GABRB1: variants seen among roughly 807,000 people sequenced by gnomAD.
The protein encoded by GABRB1 is gamma-aminobutyric acid type A receptor subunit beta1.
Under a neutral mutation model 51.6 loss-of-function variants are expected in GABRB1, and 17 were observed. The observed-to-expected ratio is 0.33, with a 90% CI of 0.23 to 0.49. GABRB1 has a LOEUF of 0.49. Among genes scored for constraint, GABRB1 ranks in the 20% least tolerant of loss-of-function variants. The probability of loss-of-function intolerance (pLI) is 0.99; values close to 1 mark genes in which losing one functional copy is unlikely to be tolerated. For synonymous variants in GABRB1, 247 were observed against 218.9 expected (o/e 1.13, Z -1.14); for missense variants, 410 against 600.6 (o/e 0.68, Z 3.32).
chr4:47,097,170 G>A (rs183853560), intron 3 of GABRB1, among the ~76,000 whole-genome samples: 30 of 152,204 alleles, frequency 2.0e-4, no homozygotes, highest in African/African-American at 1.7e-4. Context: ...GAGTAAAACC[G>A]AAAATCTTCC....
intron 4 of GABRB1, among the ~76,000 whole-genome samples, chr4:47,192,322 A>G (rs1436316862): frequency 2.6e-5 from 4 of 152,156 alleles, no homozygotes; most frequent in African/African-American, 9.7e-5. Context: ...GTTTTCCCTC[A>G]TTGAAATCCA....
At chr4:47,045,594 G>C (rs1726045980) in intron 3 of GABRB1, among the ~76,000 whole-genome samples, 1 of 151,976 alleles carries the variant, frequency 6.6e-6, no homozygotes, top group South Asian at 2.1e-4. Flanking sequence ...TCAAGGCACT[G>C]ACAGATTCTG....
chr4:47,223,874 A>T (rs1330323818), intron 4 of GABRB1, among the ~76,000 whole-genome samples: 1 of 152,152 alleles, frequency 6.6e-6, no homozygotes, highest in African/African-American at 2.4e-5. Flanking sequence ...CTCTTCCACT[A>T]AAGCTAGAAG....
At chr4:47,276,966 C>T (rs1723105716) in intron 4 of GABRB1, among the ~76,000 whole-genome samples, 1 of 152,046 alleles carries the variant, frequency 6.6e-6, no homozygotes, top group Non-Finnish European at 1.5e-5. Context: ...GGCTCCTAAC[C>T]TGGTATCTAG....
intron 3 of GABRB1, among the ~76,000 whole-genome samples, chr4:47,132,005 G>A (rs1442130758): frequency 6.6e-6 from 1 of 152,010 alleles, no homozygotes; most frequent in Non-Finnish European, 1.5e-5. Flanking sequence ...AGAAAGAAAG[G>A]TAGTTTAATG....
At chr4:47,001,841 G>C (rs1291850952) in intron 1 of GABRB1, among the ~76,000 whole-genome samples, 1 of 152,074 alleles carries the variant, frequency 6.6e-6, no homozygotes, top group Admixed American at 6.6e-5. Context: ...AATGTTTTGG[G>C]TTCTAGTAAA....
chr4:47,310,293 C>A (rs1194095339), intron 4 of GABRB1, among the ~76,000 whole-genome samples: 1 of 152,122 alleles, frequency 6.6e-6, no homozygotes, highest in Non-Finnish European at 1.5e-5. Flanking sequence ...TCTCTTGAGA[C>A]CTTACAGTAT....
chr4:47,170,526 C>G (rs1051717647), intron 4 of GABRB1, among the ~76,000 whole-genome samples: 2 of 152,074 alleles, frequency 1.3e-5, no homozygotes, highest in Non-Finnish European at 2.9e-5. Context: ...AATTGTTTCT[C>G]TCTTCTACAG....
intron 3 of GABRB1, among the ~76,000 whole-genome samples, chr4:47,087,555 T>TA (rs1553914832): frequency 3.3e-5 from 5 of 151,578 alleles, no homozygotes; most frequent in South Asian, 2.1e-4. Context: ...TTTTTTTTTT[T>TA]ATTATACTTT....
intron 5 of GABRB1, among the ~76,000 whole-genome samples, chr4:47,340,812 T>A (rs915266181): frequency 6.6e-6 from 1 of 151,966 alleles, no homozygotes; most frequent in African/African-American, 2.4e-5. Context: ...TGAAAAAAAA[T>A]TTTCACCATC....
intron 4 of GABRB1, among the ~76,000 whole-genome samples, chr4:47,288,928 A>G (rs1260053379): frequency 6.6e-6 from 1 of 152,232 alleles, no homozygotes; most frequent in African/African-American, 2.4e-5. Flanking sequence ...CTAATAGTAT[A>G]TACATCTTAT....
chr4:47,010,553 T>G (rs753008224), intron 1 of GABRB1, among the ~76,000 whole-genome samples: 33 of 152,246 alleles, frequency 2.2e-4, no homozygotes, highest in Non-Finnish European at 4.4e-4. Flanking sequence ...GCTTACTTTA[T>G]TTTGTCAATG....
intron 3 of GABRB1, among the ~76,000 whole-genome samples, chr4:47,091,782 C>T (rs566198030): frequency 2.0e-5 from 3 of 152,278 alleles, no homozygotes; most frequent in Non-Finnish European, 2.9e-5. Context: ...CAACTTCTTC[C>T]CTGGCTCCTG....
chr4:47,119,465 G>T (rs1715657774), intron 3 of GABRB1, among the ~76,000 whole-genome samples: 1 of 150,758 alleles, frequency 6.6e-6, no homozygotes, highest in African/African-American at 2.4e-5. Context: ...CATGAATAAA[G>T]TTAAATCACA....
At chr4:47,341,245 C>G (rs1344408650) in intron 5 of GABRB1, among the ~76,000 whole-genome samples, 1 of 152,126 alleles carries the variant, frequency 6.6e-6, no homozygotes, top group Non-Finnish European at 1.5e-5. Flanking sequence ...ACTGCAAAAT[C>G]ATTCAGTTCA....
At chr4:47,127,942 A>C (rs928633487) in intron 3 of GABRB1, among the ~76,000 whole-genome samples, 3 of 151,772 alleles carry the variant, frequency 2.0e-5, no homozygotes, top group Non-Finnish European at 4.4e-5. Flanking sequence ...AAGCAGGAAA[A>C]GGAGAAAAAT....
intron 3 of GABRB1, among the ~76,000 whole-genome samples, chr4:47,156,590 A>G (rs548633329): frequency 6.6e-6 from 1 of 152,184 alleles, no homozygotes; most frequent in Admixed American, 6.5e-5. Flanking sequence ...TGTTACCTTT[A>G]TTCTCCAAAA....
rs150497902 is a variant in GABRB1 at position 47,355,729 on chromosome 4, G to T, written c.544+35520G>T. On this transcript the variant is annotated intron_variant, in intron 5 of 8. Transcript: ENST00000295454. ...TATAGAAATTGTTAGCACCATTAGC[G>T]CAGATATATCAAGGGCCCTGAGGGA... Among the ~76,000 whole-genome samples, 32 of 152,158 alleles carry T rather than the reference G, an allele frequency of 2.1e-4. No homozygotes were observed. The East Asian group carries it at 5.6e-3, about 27-fold the overall frequency.
At chr4:47,255,884 C>T (rs956544936) in intron 4 of GABRB1, among the ~76,000 whole-genome samples, 1 of 152,124 alleles carries the variant, frequency 6.6e-6, no homozygotes, top group African/African-American at 2.4e-5. Flanking sequence ...TGGCTTGTTA[C>T]TGATGAAGCA....
Sources: allele counts gnomAD v4.1 joint callset (sites outside exome capture counted in the v4.1 genomes callset), GRCh38; gene constraint gnomAD v4.1.1; transcripts MANE v1.5; gene names NCBI Gene and HGNC (gene_info 2026-07-23, HGNC 2026-07-21).